The following PACSIN2 variants were observed in gnomAD, a reference collection of about 807,000 sequenced individuals.
PACSIN2 encodes protein kinase C and casein kinase substrate in neurons protein 2.
In PACSIN2, 25 loss-of-function variants were observed where a neutral mutation model predicts 63.8. The ratio of observed to expected loss-of-function variants is 0.39; its 90% CI spans 0.29 to 0.55. The LOEUF is 0.55. Among genes scored for constraint, PACSIN2 ranks in the 20% least tolerant of loss-of-function variants. PACSIN2 has a pLI of 0.62. For synonymous variants in PACSIN2, 255 were observed against 256.2 expected (o/e 1.00, Z 0.05); for missense variants, 518 against 646.9 (o/e 0.80, Z 2.16).
At chr22:42,893,869 G>A (rs1930099219) in intron 2 of PACSIN2, among the ~76,000 whole-genome samples, 1 of 152,130 alleles carries the variant, frequency 6.6e-6, no homozygotes, top group Non-Finnish European at 1.5e-5. Context: ...TAGAAACTGG[G>A]CTGTGGGTCA....
chr22:42,964,144 A>C (rs1197574541), intron 1 of PACSIN2, among the ~76,000 whole-genome samples: 1 of 152,190 alleles, frequency 6.6e-6, no homozygotes, highest in Non-Finnish European at 1.5e-5. Flanking sequence ...TTGGCTGGGC[A>C]CGGTGGCCCA....
chr22:42,980,878 G>A (rs1362416544), intron 1 of PACSIN2, among the ~76,000 whole-genome samples: 3 of 62,128 alleles, frequency 4.8e-5, no homozygotes, highest in African/African-American at 2.2e-4. Context: ...CCAAAGAGCC[G>A]AGATTGCAGC....
chr22:42,942,845 C>T (rs897396632), intron 1 of PACSIN2, among the ~76,000 whole-genome samples: 5 of 152,152 alleles, frequency 3.3e-5, no homozygotes, highest in Non-Finnish European at 2.9e-5. Flanking sequence ...GAAGTGTGAG[C>T]CCTCCAACTT....
At chr22:42,926,814 G>T (rs1459808256) in intron 1 of PACSIN2, among the ~76,000 whole-genome samples, 1 of 151,722 alleles carries the variant, frequency 6.6e-6, no homozygotes, top group Admixed American at 6.6e-5. Flanking sequence ...CTGCACTCCT[G>T]CCTCGGCAAC....
Position 42,888,868 on chromosome 22 carries a change from A to C in PACSIN2, c.454-70T>G. 2.0e-6 allele frequency: 3 copies of C among 1,501,762 alleles called. No homozygotes were observed. In the East Asian group the frequency reaches 6.8e-5, roughly 34 times the overall value. 93.0% of individuals were successfully genotyped at this position (1,501,762 alleles called of 1,614,324 possible). A position where few individuals can be genotyped will look rare whatever the true frequency, so the allele number is the denominator to read the frequency against. Reference sequence around the variant, plus strand: ...AGGATCCTCACTAGAAGTCACACAGACCATGGGAATGCTTGTGCTACCAAG... The same window carrying C: ...AGGATCCTCACTAGAAGTCACACAGCCCATGGGAATGCTTGTGCTACCAAG... On this transcript the variant is annotated intron_variant, in intron 4 of 10. Transcript: ENST00000263246.
intron 1 of PACSIN2, among the ~76,000 whole-genome samples, chr22:42,945,114 G>A (rs1030864035): frequency 1.3e-5 from 2 of 151,744 alleles, no homozygotes; most frequent in South Asian, 2.1e-4. Flanking sequence ...AAAAAAAAGA[G>A]GCAAGGGCTG....
chr22:42,979,515 C>T (rs1422363614), intron 1 of PACSIN2, among the ~76,000 whole-genome samples: 1 of 98,622 alleles, frequency 1.0e-5, no homozygotes, highest in Non-Finnish European at 1.9e-5. Context: ...CAAAGCAAGA[C>T]TCCCTCTCAA....
intron 1 of PACSIN2, among the ~76,000 whole-genome samples, chr22:42,981,676 C>T (rs1922154036): frequency 5.8e-5 from 7 of 121,472 alleles, no homozygotes; most frequent in Admixed American, 2.2e-4. Context: ...CCCGGCCAGC[C>T]GCCCCGTCCG....
At chr22:42,955,480 A>G (rs1488435519) in intron 1 of PACSIN2, among the ~76,000 whole-genome samples, 1 of 152,110 alleles carries the variant, frequency 6.6e-6, no homozygotes. Flanking sequence ...CAGGGGGAAA[A>G]AAAAAAAGGC....
At chr22:42,929,676 C>T (rs1366283960) in intron 1 of PACSIN2, among the ~76,000 whole-genome samples, 1 of 152,338 alleles carries the variant, frequency 6.6e-6, no homozygotes, top group East Asian at 1.9e-4. Context: ...GTGACGTCTG[C>T]TCCAGAATGA....
Position 42,882,238 on chromosome 22 carries a change from C to T in PACSIN2, c.852G>A (p.Arg284=), listed in dbSNP as rs1342318309. 1.2e-6 allele frequency: 2 copies of T among 1,613,962 alleles called. No individual in the cohort carries two copies. Among genetic ancestry groups the T allele is most frequent in the Admixed American group, 3.3e-5 (2 of 60,006 alleles). ...IRAADAVEDL[R]WFRANHGPGM... is the part of the protein sequence containing the mutation. ...CCGGCCCGTGATTGGCTCGGAACCA[C>T]CTCAGGTCCTCCACTGCATCAGCTG... Residue 284 remains arginine (R), a synonymous_variant, in exon 7 of 11, where the codon AGG becomes AGA. Coordinates refer to ENST00000263246, the MANE Select transcript of PACSIN2 (RefSeq NM_001184970.3).
intron 1 of PACSIN2, among the ~76,000 whole-genome samples, chr22:43,013,413 T>A (rs978530333): frequency 2.6e-5 from 4 of 152,260 alleles, no homozygotes; most frequent in Non-Finnish European, 4.4e-5. Context: ...CCAAAGAGGC[T>A]ACCAAACTCT....
chr22:42,884,239 T>C (rs1398144809), intron 6 of PACSIN2, 147 bp downstream of exon 6: 6 of 679,484 alleles, frequency 8.8e-6, no homozygotes, highest in Non-Finnish European at 1.3e-5. Flanking sequence ...CCATCCAGAT[T>C]ACAAAGAAGC....
chr22:42,991,667 G>T (rs1173924414), intron 1 of PACSIN2, among the ~76,000 whole-genome samples: 1 of 152,198 alleles, frequency 6.6e-6, no homozygotes, highest in Non-Finnish European at 1.5e-5. Context: ...GCCATACGAA[G>T]CTGAGAACAG....
At chr22:42,933,180 C>T (rs988010827) in intron 1 of PACSIN2, among the ~76,000 whole-genome samples, 4 of 152,218 alleles carry the variant, frequency 2.6e-5, no homozygotes, top group African/African-American at 9.7e-5. Context: ...AAGTTGAGGT[C>T]TAAGACTTTA....
intron 1 of PACSIN2, among the ~76,000 whole-genome samples, chr22:43,005,308 A>G (rs994505142): frequency 1.3e-5 from 2 of 152,212 alleles, no homozygotes; most frequent in African/African-American, 4.8e-5. Flanking sequence ...CCCCAGGGTC[A>G]GGCTTTCTAG....
chr22:42,952,626 G>C (rs1250929043), intron 1 of PACSIN2, among the ~76,000 whole-genome samples: 1 of 151,174 alleles, frequency 6.6e-6, no homozygotes, highest in Non-Finnish European at 1.5e-5. Context: ...CAAAGTGCTG[G>C]GATTATAGAC....
chr22:42,986,904 C>G (rs1922655723), intron 1 of PACSIN2, among the ~76,000 whole-genome samples: 1 of 152,158 alleles, frequency 6.6e-6, no homozygotes, highest in South Asian at 2.1e-4. Flanking sequence ...CCTTTGATAG[C>G]CACTGCCTAT....
At chr22:42,933,214 T>C (rs923131627) in intron 1 of PACSIN2, among the ~76,000 whole-genome samples, 4 of 152,246 alleles carry the variant, frequency 2.6e-5, no homozygotes, top group Admixed American at 2.0e-4. Context: ...AAACTATCTC[T>C]ATGGTTCCAT....
Sources: gnomAD v4.1 joint callset for allele counts (sites outside exome capture counted in the v4.1 genomes callset) on GRCh38, gnomAD v4.1.1 for gene constraint, MANE v1.5 for transcripts, NCBI Gene and HGNC (gene_info 2026-07-23, HGNC 2026-07-21) for gene names.